Variants in NECTIN1 observed in about 807,000 individuals in gnomAD.
NECTIN1 encodes the protein nectin-1.
Under a neutral mutation model 48.0 loss-of-function variants are expected in NECTIN1, and 23 were observed. The observed-to-expected ratio is 0.48, with a 90% CI of 0.34 to 0.68. The LOEUF is 0.68. NECTIN1 is among the 30% of genes least tolerant of loss of function. The probability of loss-of-function intolerance (pLI) is 0.01; values close to 1 mark genes in which losing one functional copy is unlikely to be tolerated. For missense variants in NECTIN1, 591 were observed against 709.9 expected, an observed-to-expected ratio of 0.83 and a Z score of 1.90; for synonymous variants, 270 against 288.9, an observed-to-expected ratio of 0.93 and a Z score of 0.66.
chr11:119,667,399 C>T (rs551050839), intron 5 of NECTIN1, among the ~76,000 whole-genome samples: 5 of 152,288 alleles, frequency 3.3e-5, no homozygotes, highest in South Asian at 2.1e-4. Context: ...CTGCTAGTCA[C>T]GGGATATGAG....
chr11:119,700,157 A>T (rs1024946983), intron 1 of NECTIN1, among the ~76,000 whole-genome samples: 5 of 152,076 alleles, frequency 3.3e-5, no homozygotes, highest in African/African-American at 1.2e-4. Context: ...CTGGGGGAGA[A>T]TCTGCCCTTG....
At chr11:119,708,316 G>A (rs952523551) in intron 1 of NECTIN1, among the ~76,000 whole-genome samples, 1 of 151,930 alleles carries the variant, frequency 6.6e-6, no homozygotes, top group Non-Finnish European at 1.5e-5. Flanking sequence ...CTGGATATGT[G>A]GGGCAGAGGA....
chr11:119,670,305 T>C (rs2135546427), intron 5 of NECTIN1, among the ~76,000 whole-genome samples: 1 of 152,352 alleles, frequency 6.6e-6, no homozygotes, highest in South Asian at 2.1e-4. Flanking sequence ...TTTCCTCCTA[T>C]GCGAAAACGT....
chr11:119,664,288 G>C lies in NECTIN1; in HGVS notation c.*459C>G. 1 of 998,162 alleles carries C rather than the reference G, an allele frequency of 1.0e-6. No homozygotes were observed. Among genetic ancestry groups the C allele is most frequent in the Non-Finnish European group, 1.2e-6 (1 of 837,412 alleles). The allele number at this position is 998,162 out of a possible 1,614,324, so 61.8% of individuals were successfully genotyped here. ...GGTGGGTGTTGGGTTCCCTCTAGCCGGGAGGAGGAGCAGCATCTGGGGGTG... is the reference window on the plus strand; with the variant it reads ...GGTGGGTGTTGGGTTCCCTCTAGCCCGGAGGAGGAGCAGCATCTGGGGGTG... On this transcript the variant is annotated 3_prime_UTR_variant, in exon 6 of 6. Transcript: ENST00000264025.
At chr11:119,700,977 T>G (rs1190335215) in intron 1 of NECTIN1, among the ~76,000 whole-genome samples, 1 of 152,082 alleles carries the variant, frequency 6.6e-6, no homozygotes, top group Non-Finnish European at 1.5e-5. Context: ...AAGTGAGGCA[T>G]CTGTTAGTAA....
chr11:119,661,737 G>A lies in NECTIN1; in HGVS notation c.*3010C>T. 7.1e-6 allele frequency: 7 copies of A among 985,752 alleles called. No homozygotes were observed. Among genetic ancestry groups the A allele is most frequent in the Non-Finnish European group, 8.4e-6 (7 of 829,946 alleles). The allele number at this position is 985,752 out of a possible 1,614,324, so 61.1% of individuals were successfully genotyped here. A position where few individuals can be genotyped will look rare whatever the true frequency, so the allele number is the denominator to read the frequency against. On this transcript the variant is annotated 3_prime_UTR_variant, in exon 6 of 6. Coordinates refer to ENST00000264025, the MANE Select transcript of NECTIN1 (RefSeq NM_002855.5). ...CCTATAAGGCTCTCTTGCAGCCCGG[G>A]CACTGGGAAATTCGTTTCTCCTTAA... is the stretch of plus-strand genomic sequence containing the variant.
In NECTIN1 at chr11:119,662,248, T is replaced by G; in HGVS notation, c.*2499A>C. The G allele has an allele frequency of 1.0e-6, 1 of 985,594 alleles. No homozygotes were observed. Among genetic ancestry groups the G allele is most frequent in the Non-Finnish European group, 1.2e-6 (1 of 829,948 alleles). The allele number at this position is 985,594 out of a possible 1,614,324, so 61.1% of individuals were successfully genotyped here. A position where few individuals can be genotyped will look rare whatever the true frequency, so the allele number is the denominator to read the frequency against. On this transcript the variant is annotated 3_prime_UTR_variant, in exon 6 of 6. Transcript: ENST00000264025. The surrounding 1 kb of genome is among the most constrained non-coding windows in gnomAD (Gnocchi z 5.3). Reference sequence around the variant, plus strand: ...AGACCTCCCTTTTGCCAGCTGGCTGTGTCTGTGGGCCCAGCAGTAGTGCCC... The same window carrying G: ...AGACCTCCCTTTTGCCAGCTGGCTGGGTCTGTGGGCCCAGCAGTAGTGCCC...
chr11:119,691,860 G>A (rs192501967), intron 1 of NECTIN1, among the ~76,000 whole-genome samples: 2 of 152,256 alleles, frequency 1.3e-5, no homozygotes, highest in Admixed American at 1.3e-4. Flanking sequence ...GCTCCCGGCT[G>A]TCATCCTCCC....
At chr11:119,692,274 G>C (rs988872579) in intron 1 of NECTIN1, among the ~76,000 whole-genome samples, 1 of 151,852 alleles carries the variant, frequency 6.6e-6, no homozygotes, top group African/African-American at 2.4e-5. Context: ...ACGTAGGCTC[G>C]GGGCTCGCGC....
intron 1 of NECTIN1, among the ~76,000 whole-genome samples, chr11:119,715,088 A>G (rs965129921): frequency 9.2e-5 from 14 of 152,170 alleles, no homozygotes; most frequent in Non-Finnish European, 1.6e-4. Flanking sequence ...CCTGGCTTCC[A>G]TGGAGGGTGG....
intron 7 of NECTIN1, chr11:119,638,304 G>A: frequency 6.2e-7 from 1 of 1,604,376 alleles, no homozygotes. Flanking sequence ...GCTCCAGGTG[G>A]CCCTCATGGA....
chr11:119,647,498 C>T (rs571781072), intron 5 of NECTIN1, among the ~76,000 whole-genome samples: 17 of 152,170 alleles, frequency 1.1e-4, no homozygotes, highest in South Asian at 2.1e-4. Flanking sequence ...GACCCTGCTG[C>T]GCAGGGACCT....
At position 119,677,244 on chromosome 11, in the gene NECTIN1, A is replaced by G; in HGVS notation, c.734-25T>C. The G allele has an allele frequency of 6.3e-7, 1 of 1,592,378 alleles. No individual in the cohort carries two copies. The highest frequency in any genetic ancestry group is 8.6e-7 in the Non-Finnish European group (1 of 1,160,366). On this transcript the variant is annotated intron_variant, in intron 3 of 5. Coordinates refer to ENST00000264025, the MANE Select transcript of NECTIN1 (RefSeq NM_002855.5). This position sits in a 1 kb window ranked among gnomAD's most constrained non-coding sequence, Gnocchi z 5.4. Reference sequence around the variant, plus strand: ...TCTGTGGGGCAAGGGATGTTTGAAGAGGGTGAGGTCAGGAGAGCGGGACTT... The same window carrying G: ...TCTGTGGGGCAAGGGATGTTTGAAGGGGGTGAGGTCAGGAGAGCGGGACTT...
At chr11:119,638,295 C>T (rs1864267906) in intron 7 of NECTIN1, 2 of 1,610,120 alleles carry the variant, frequency 1.2e-6, no homozygotes, top group African/African-American at 1.3e-5. Context: ...CATGCCCCTG[C>T]TCCAGGTGGC....
At chr11:119,645,598 C>T (rs1043343228) in intron 5 of NECTIN1, among the ~76,000 whole-genome samples, 4 of 152,168 alleles carry the variant, frequency 2.6e-5, no homozygotes, top group Admixed American at 2.0e-4. Context: ...CAGCCTGTCC[C>T]CCAAGGTCCA....
At chr11:119,693,522 T>C (rs1371434610) in intron 1 of NECTIN1, among the ~76,000 whole-genome samples, 1 of 151,690 alleles carries the variant, frequency 6.6e-6, no homozygotes, top group Non-Finnish European at 1.5e-5. Context: ...GAGTGGAAGG[T>C]GCTGTTATTC....
intron 5 of NECTIN1, among the ~76,000 whole-genome samples, chr11:119,643,263 A>G (rs944157902): frequency 1.3e-5 from 2 of 152,204 alleles, no homozygotes; most frequent in African/African-American, 4.8e-5. Context: ...AGAAAAGGGA[A>G]ATCCAAGGAG....
chr11:119,652,187 G>A (rs891700308), intron 5 of NECTIN1, among the ~76,000 whole-genome samples: 1 of 152,124 alleles, frequency 6.6e-6, no homozygotes, highest in Admixed American at 6.5e-5. Flanking sequence ...CCATTGCTTC[G>A]GGTCAATTGT....
intron 1 of NECTIN1, among the ~76,000 whole-genome samples, chr11:119,726,880 A>C (rs1393512227): frequency 6.6e-6 from 1 of 152,106 alleles, no homozygotes. Context: ...ATGGCCAGGC[A>C]AGTCCTAGAG....
Sources: gnomAD v4.1 joint callset for allele counts (sites outside exome capture counted in the v4.1 genomes callset) on GRCh38, gnomAD v4.1.1 for gene constraint, Gnocchi (gnomAD v3.1) non-coding constraint, MANE v1.5 for transcripts, NCBI Gene and HGNC (gene_info 2026-07-23, HGNC 2026-07-21) for gene names.